Variants in GALNTL6 observed in about 807,000 individuals in gnomAD.
GALNTL6 encodes the protein polypeptide N-acetylgalactosaminyltransferase like 6.
Under a neutral mutation model 73.7 loss-of-function variants are expected in GALNTL6, and 46 were observed. The ratio of observed to expected loss-of-function variants is 0.62; its 90% confidence interval spans 0.49 to 0.80. The LOEUF (loss-of-function observed/expected upper bound fraction) is 0.80. GALNTL6 is among the 30% of genes least tolerant of loss of function. The pLI is 0.00. For synonymous variants in GALNTL6, 259 were observed against 263.7 expected (o/e 0.98, Z 0.17); for missense variants, 604 against 755.0 (o/e 0.80, Z 2.34).
chr4:171,862,291 C>T (rs934000089), intron 2 of GALNTL6, among the ~76,000 whole-genome samples: 1 of 151,996 alleles, frequency 6.6e-6, no homozygotes, highest in Admixed American at 6.6e-5. Context: ...AGTAATTTGT[C>T]TTTGGTAGTA....
intron 2 of GALNTL6, among the ~76,000 whole-genome samples, chr4:172,003,712 C>T (rs1740747054): frequency 1.3e-5 from 2 of 152,100 alleles, no homozygotes; most frequent in South Asian, 4.1e-4. Context: ...AAAATGGTTA[C>T]ATATGTCTTG....
At chr4:172,661,935 A>G (rs555609140) in intron 5 of GALNTL6, among the ~76,000 whole-genome samples, 28 of 152,308 alleles carry the variant, frequency 1.8e-4, no homozygotes, top group Non-Finnish European at 3.2e-4. Flanking sequence ...ATGCAAATGT[A>G]TAAATGGAGA....
chr4:171,873,916 C>G (rs552918080), intron 2 of GALNTL6, among the ~76,000 whole-genome samples: 1 of 152,100 alleles, frequency 6.6e-6, no homozygotes, highest in African/African-American at 2.4e-5. Context: ...TGTCAAAAAT[C>G]TTTCAATTTG....
intron 5 of GALNTL6, among the ~76,000 whole-genome samples, chr4:172,650,206 T>A (rs763188473): frequency 2.0e-5 from 3 of 152,286 alleles, no homozygotes; most frequent in Non-Finnish European, 2.9e-5. Context: ...TGGGTCGCCC[T>A]CTAACCTGCC....
chr4:171,958,419 T>G (rs1404249175), intron 2 of GALNTL6, among the ~76,000 whole-genome samples: 1 of 152,062 alleles, frequency 6.6e-6, no homozygotes, highest in Non-Finnish European at 1.5e-5. Context: ...TGAAGGAAAA[T>G]GTTTACAAAT....
intron 2 of GALNTL6, among the ~76,000 whole-genome samples, chr4:172,047,381 T>A (rs903784018): frequency 1.3e-5 from 2 of 152,114 alleles, no homozygotes; most frequent in African/African-American, 4.8e-5. Flanking sequence ...CGTAAACATT[T>A]ATTATATCAG....
chr4:172,368,016 A>C (rs1742632787), intron 5 of GALNTL6, among the ~76,000 whole-genome samples: 1 of 152,346 alleles, frequency 6.6e-6, no homozygotes, highest in African/African-American at 2.4e-5. Flanking sequence ...TGTCACAGAA[A>C]TTCTTTTGTC....
At position 172,257,617 on chromosome 4, in the gene GALNTL6, A is replaced by G. The variant is rs1048024367; in HGVS notation, c.247+27853A>G. On this transcript the variant is annotated intron_variant, in intron 3 of 12. Coordinates refer to ENST00000506823, the MANE Select transcript of GALNTL6 (RefSeq NM_001034845.3). ...TTTGTAGAAAGCAGAGGTGTTTAGT[A>G]ATGGCATTTCAGCAGAAATACTTGA... Among the ~76,000 whole-genome samples the G allele has an allele frequency of 2.0e-5, 3 of 151,366 alleles. No individual in the cohort carries two copies. The Admixed American group carries it at 2.0e-4, about 10-fold the overall frequency.
At chr4:171,839,146 A>T (rs1318312694) in intron 2 of GALNTL6, among the ~76,000 whole-genome samples, 1 of 152,118 alleles carries the variant, frequency 6.6e-6, no homozygotes, top group African/African-American at 2.4e-5. Flanking sequence ...AGGCACAGGT[A>T]AAAAAGGCAC....
rs186770956 is a variant in GALNTL6, at chr4:171,961,293, G to A, written c.138+146575G>A. 2.0e-5 allele frequency among the ~76,000 whole-genome samples: 3 copies of A among 152,226 alleles called. No homozygotes were observed. The East Asian group carries it at 5.8e-4, about 29-fold the overall frequency. On this transcript the variant is annotated intron_variant, in intron 2 of 12. Coordinates refer to ENST00000506823, the MANE Select transcript of GALNTL6 (RefSeq NM_001034845.3). The stretch of plus-strand genomic sequence containing the variant: ...CCTTGTCTAACAGTCCCTGTACAGG[G>A]TTCCTGACCTGTGGAAAGTAAAGAA...
chr4:171,985,684 C>T (rs1480868857), intron 2 of GALNTL6, among the ~76,000 whole-genome samples: 1 of 151,646 alleles, frequency 6.6e-6, no homozygotes, highest in Admixed American at 6.6e-5. Context: ...TATAAAAAGC[C>T]TTTTAAAAAT....
At chr4:172,869,088 TGA>T (rs1449871016) in intron 7 of GALNTL6, among the ~76,000 whole-genome samples, 4 of 152,180 alleles carry the variant, frequency 2.6e-5, no homozygotes, top group Non-Finnish European at 2.9e-5. Context: ...TTGCTGTATT[TGA>T]GAATATTCTA....
chr4:172,413,275 A>G (rs182377501), intron 5 of GALNTL6, among the ~76,000 whole-genome samples: 1 of 152,308 alleles, frequency 6.6e-6, no homozygotes, highest in East Asian at 1.9e-4. Context: ...CATCTACCAC[A>G]AGTAGACACT....
intron 5 of GALNTL6, among the ~76,000 whole-genome samples, chr4:172,542,689 T>G (rs1048714708): frequency 6.6e-6 from 1 of 152,158 alleles, no homozygotes; most frequent in Non-Finnish European, 1.5e-5. Flanking sequence ...CGGGTTTCTC[T>G]GGGGTCCCCT....
intron 2 of GALNTL6, among the ~76,000 whole-genome samples, chr4:172,116,687 A>T (rs1315990427): frequency 6.6e-6 from 1 of 152,220 alleles, no homozygotes; most frequent in African/African-American, 2.4e-5. Flanking sequence ...TACAAAAATT[A>T]TTCTGAAAAT....
In GALNTL6 at chr4:171,813,568, G is replaced by C. The variant is rs1414293229; in HGVS notation, c.-592G>C. 4 of 152,356 alleles carry C rather than the reference G, an allele frequency of 2.6e-5. No individual in the cohort carries two copies. The highest frequency in any genetic ancestry group is 7.2e-5 in the African/African-American group (3 of 41,476). The allele number at this position is 152,356 out of a possible 1,614,324, so 9.4% of individuals were successfully genotyped here. ...GTTTCTCCGCCTCCATCCCCTTTACGAGAAGAGGAGATCAAAAAATATTGC... is the reference window on the plus strand; with the variant it reads ...GTTTCTCCGCCTCCATCCCCTTTACCAGAAGAGGAGATCAAAAAATATTGC... On this transcript the variant is annotated 5_prime_UTR_variant, in exon 1 of 13. Coordinates refer to ENST00000506823, the MANE Select transcript of GALNTL6 (RefSeq NM_001034845.3). The surrounding 1 kb of genome is among the most constrained non-coding windows in gnomAD (Gnocchi z 5.2).
intron 5 of GALNTL6, among the ~76,000 whole-genome samples, chr4:172,512,814 G>A (rs561121093): frequency 7.9e-5 from 12 of 152,238 alleles, no homozygotes; most frequent in East Asian, 1.9e-4. Flanking sequence ...GAAATCTGCC[G>A]TTAATCTGAT....
At chr4:172,876,646 A>T (rs1745207877) in intron 7 of GALNTL6, among the ~76,000 whole-genome samples, 1 of 152,180 alleles carries the variant, frequency 6.6e-6, no homozygotes, top group South Asian at 2.1e-4. Flanking sequence ...GTCCTCTCTT[A>T]TCCCCATAGA....
At chr4:172,391,283 T>A (rs1385947254) in intron 5 of GALNTL6, among the ~76,000 whole-genome samples, 1 of 152,320 alleles carries the variant, frequency 6.6e-6, no homozygotes, top group East Asian at 1.9e-4. Context: ...GTCCTCACCT[T>A]GCAGAAAGAA....
Sources: allele counts gnomAD v4.1 joint callset (sites outside exome capture counted in the v4.1 genomes callset), GRCh38; gene constraint gnomAD v4.1.1; non-coding constraint Gnocchi (gnomAD v3.1); transcripts MANE v1.5; gene names NCBI Gene and HGNC (gene_info 2026-07-23, HGNC 2026-07-21).